HNF4G: variants seen among roughly 807,000 people sequenced by gnomAD.
HNF4G encodes hepatocyte nuclear factor 4-gamma.
A neutral mutation model predicts 50.9 loss-of-function variants in HNF4G; 21 were observed. The ratio of observed to expected loss-of-function variants is 0.41; its 90% confidence interval spans 0.29 to 0.59. The LOEUF is 0.59. Among genes scored for constraint, HNF4G ranks in the 20% least tolerant of loss-of-function variants. The pLI, the probability that HNF4G is intolerant of heterozygous loss-of-function variation, is 0.26. For missense variants in HNF4G, 527 were observed against 559.4 expected (o/e 0.94, Z 0.58); for synonymous variants, 198 against 185.6 (o/e 1.07, Z -0.54).
chr8:75,501,176 A>G (rs1397195027), intron 2 of HNF4G, among the ~76,000 whole-genome samples: 4 of 152,192 alleles, frequency 2.6e-5, no homozygotes, highest in Non-Finnish European at 5.9e-5. Context: ...AAGGTGGCTC[A>G]TACCAGTAAT....
At chr8:75,510,699 G>A (rs891626149) in intron 2 of HNF4G, among the ~76,000 whole-genome samples, 2 of 152,052 alleles carry the variant, frequency 1.3e-5, no homozygotes, top group Non-Finnish European at 2.9e-5. Context: ...TGTGTAGTAG[G>A]TTATACCATC....
intron 5 of HNF4G, among the ~76,000 whole-genome samples, chr8:75,554,774 A>G (rs1807066001): frequency 6.6e-6 from 1 of 152,196 alleles, no homozygotes; most frequent in Non-Finnish European, 1.5e-5. Flanking sequence ...TTCCAAGTGG[A>G]GATAAGCTCT....
At chr8:75,453,432 A>G (rs1437670588) in intron 1 of HNF4G, among the ~76,000 whole-genome samples, 5 of 152,134 alleles carry the variant, frequency 3.3e-5, no homozygotes, top group Non-Finnish European at 1.5e-5. Flanking sequence ...AACGATCAGC[A>G]CTCTGTTAAA....
At chr8:75,551,961 G>A (rs1001257725) in intron 4 of HNF4G, among the ~76,000 whole-genome samples, 6 of 151,998 alleles carry the variant, frequency 3.9e-5, no homozygotes, top group African/African-American at 9.7e-5. Context: ...AGAAAACACA[G>A]AAGAGAGAAA....
chr8:75,496,250 T>A (rs73345070), intron 2 of HNF4G, among the ~76,000 whole-genome samples: 165 of 152,244 alleles, frequency 1.1e-3, no homozygotes, highest in African/African-American at 3.9e-3. Flanking sequence ...ATAATTGGTT[T>A]TTAAAAAATA....
At chr8:75,549,051 C>A (rs1806870624) in intron 3 of HNF4G, among the ~76,000 whole-genome samples, 1 of 152,114 alleles carries the variant, frequency 6.6e-6, no homozygotes, top group Admixed American at 6.5e-5. Context: ...CATGTTTATC[C>A]CCACAAAAGT....
At chr8:75,554,389 G>A (rs1233399736) in intron 5 of HNF4G, among the ~76,000 whole-genome samples, 2 of 152,068 alleles carry the variant, frequency 1.3e-5, no homozygotes, top group African/African-American at 4.8e-5. Context: ...GTTTTAATTT[G>A]CCAACTGATT....
intron 1 of HNF4G, among the ~76,000 whole-genome samples, chr8:75,473,441 A>G (rs1812168267): frequency 6.6e-6 from 1 of 152,248 alleles, no homozygotes; most frequent in Non-Finnish European, 1.5e-5. Flanking sequence ...ATGATTAAAA[A>G]TGTTTGAAAA....
At chr8:75,473,671 T>A (rs1292622913) in intron 1 of HNF4G, among the ~76,000 whole-genome samples, 1 of 152,162 alleles carries the variant, frequency 6.6e-6, no homozygotes, top group Non-Finnish European at 1.5e-5. Flanking sequence ...CAATAAGATT[T>A]AACAAAGCTA....
chr8:75,484,324 A>C (rs1161808270), intron 1 of HNF4G, among the ~76,000 whole-genome samples: 2 of 152,206 alleles, frequency 1.3e-5, no homozygotes, highest in Non-Finnish European at 2.9e-5. Context: ...AATGGAAAAA[A>C]GCTCTCTGGT....
chr8:75,411,031 C>T (rs1384351938), intron 1 of HNF4G, among the ~76,000 whole-genome samples: 1 of 152,266 alleles, frequency 6.6e-6, no homozygotes, highest in East Asian at 1.9e-4. Flanking sequence ...TATAACAATC[C>T]TGTGCTGTTC....
At chr8:75,455,642 A>G (rs1331562406) in intron 1 of HNF4G, among the ~76,000 whole-genome samples, 2 of 152,184 alleles carry the variant, frequency 1.3e-5, no homozygotes, top group African/African-American at 2.4e-5. Flanking sequence ...AAATCATTTC[A>G]GTTCTGTTTG....
chr8:75,494,883 T>C (rs1371626167), intron 2 of HNF4G, among the ~76,000 whole-genome samples: 1 of 152,132 alleles, frequency 6.6e-6, no homozygotes, highest in Admixed American at 6.6e-5. Flanking sequence ...AAACAGTGTT[T>C]ATTTAAATTG....
intron 1 of HNF4G, among the ~76,000 whole-genome samples, chr8:75,467,192 T>C (rs2130622727): frequency 6.6e-6 from 1 of 152,320 alleles, no homozygotes. Context: ...CCTGAGACAG[T>C]TTCTCTACTA....
intron 2 of HNF4G, among the ~76,000 whole-genome samples, chr8:75,491,536 G>A (rs1309686399): frequency 6.6e-6 from 1 of 151,240 alleles, no homozygotes; most frequent in Non-Finnish European, 1.5e-5. Flanking sequence ...GTGTAGTGGT[G>A]CGATCTCCGC....
At chr8:75,425,051 A>G (rs1810859260) in intron 1 of HNF4G, among the ~76,000 whole-genome samples, 1 of 142,268 alleles carries the variant, frequency 7.0e-6, no homozygotes. Flanking sequence ...CTTCACCAAC[A>G]TCAATGCAGC....
intron 1 of HNF4G, among the ~76,000 whole-genome samples, chr8:75,543,104 G>A (rs1394991896): frequency 6.6e-6 from 1 of 152,098 alleles, no homozygotes; most frequent in East Asian, 1.9e-4. Context: ...CTACTCAGGA[G>A]GCTGAGGCAT....
At chr8:75,538,276 C>T (rs1235828178), upstream of HNF4G, among the ~76,000 whole-genome samples, 1 of 152,166 alleles carries the variant, frequency 6.6e-6, no homozygotes, top group Non-Finnish European at 1.5e-5. Flanking sequence ...GCCCCTTTCA[C>T]CTTAGAGTCA....
intron 2 of HNF4G, among the ~76,000 whole-genome samples, chr8:75,529,417 G>T (rs1806270064): frequency 6.6e-6 from 1 of 152,058 alleles, no homozygotes; most frequent in Admixed American, 6.5e-5. Flanking sequence ...TGAGATTTGG[G>T]TGGAGACCCA....
Sources: allele counts gnomAD v4.1 joint callset (sites outside exome capture counted in the v4.1 genomes callset), GRCh38; gene constraint gnomAD v4.1.1; transcripts MANE v1.5; gene names NCBI Gene and HGNC (gene_info 2026-07-23, HGNC 2026-07-21).